PDE5A: variants seen among roughly 807,000 people sequenced by gnomAD.
PDE5A encodes the protein cGMP-specific 3',5'-cyclic phosphodiesterase.
Under a neutral mutation model 110.2 loss-of-function variants are expected in PDE5A, and 67 were observed. That is an observed-to-expected ratio of 0.61 (90% CI 0.50 to 0.75). The LOEUF (loss-of-function observed/expected upper bound fraction) is 0.75. Ranked by LOEUF, PDE5A falls within the 30% of genes least tolerant of loss-of-function variation. The probability of loss-of-function intolerance (pLI) is 0.00; values close to 1 mark genes in which losing one functional copy is unlikely to be tolerated. For missense variants in PDE5A, 862 were observed against 1,045.1 expected, an observed-to-expected ratio of 0.82 and a Z score of 2.42; for synonymous variants, 328 against 351.2, an observed-to-expected ratio of 0.93 and a Z score of 0.74.
At chr4:119,622,173 CAA>C (rs11334790) in intron 1 of PDE5A, among the ~76,000 whole-genome samples, 171 of 135,804 alleles carry the variant, frequency 1.3e-3, no homozygotes, top group Non-Finnish European at 1.6e-3. Flanking sequence ...GACTCCATCT[CAA>C]AAAAAAAAAA....
intron 7 of PDE5A, among the ~76,000 whole-genome samples, chr4:119,555,647 C>A (rs2110498894): frequency 6.6e-6 from 1 of 152,014 alleles, no homozygotes; most frequent in African/African-American, 2.4e-5. Flanking sequence ...TCTTCATCAT[C>A]ATTATTTTAA....
intron 11 of PDE5A, among the ~76,000 whole-genome samples, chr4:119,531,419 C>A (rs980444207): frequency 6.6e-6 from 1 of 152,126 alleles, no homozygotes; most frequent in South Asian, 2.1e-4. Flanking sequence ...GCTGCGACTA[C>A]AGATGCATGC....
intron 3 of PDE5A, among the ~76,000 whole-genome samples, chr4:119,589,214 C>G (rs1483686392): frequency 1.3e-5 from 2 of 151,654 alleles, no homozygotes; most frequent in Non-Finnish European, 2.9e-5. Context: ...TTCATAAAGT[C>G]CTGCTTTCTA....
chr4:119,580,338 T>G (rs1436987782), intron 3 of PDE5A, among the ~76,000 whole-genome samples: 1 of 152,234 alleles, frequency 6.6e-6, no homozygotes, highest in East Asian at 1.9e-4. Flanking sequence ...ACAGAGATTC[T>G]GTCCAGAGAC....
chr4:119,565,367 T>C lies in PDE5A; in HGVS notation c.947A>G (p.Asn316Ser). The C allele has an allele frequency of 1.2e-6, 2 of 1,612,654 alleles. No individual in the cohort carries two copies. The highest frequency in any genetic ancestry group is 1.7e-6 in the Non-Finnish European group (2 of 1,179,062). ...CAGTGAAGTCTCATAGAGCTGAGCATTATGAAGAACAATACCACAAAATGC... is the reference window on the plus strand; with the variant it reads ...CAGTGAAGTCTCATAGAGCTGAGCACTATGAAGAACAATACCACAAAATGC... Reference protein sequence around the residue: ...YLAFCGIVLHNAQLYETSLLE... With the variant: ...YLAFCGIVLHSAQLYETSLLE... The change falls in exon 5 of 21, where the codon AAT becomes AGT. Residue 316 changes from asparagine (N) to serine (S), a missense_variant. Transcript: ENST00000354960.
chr4:119,524,156 G>C (rs1003894874), intron 12 of PDE5A, among the ~76,000 whole-genome samples: 1 of 152,000 alleles, frequency 6.6e-6, no homozygotes, highest in Non-Finnish European at 1.5e-5. Context: ...TATAATTCTC[G>C]TAAGACTCCC....
chr4:119,512,325 GTCT>G (rs1186758299), intron 14 of PDE5A: 1 of 152,062 alleles, frequency 6.6e-6, no homozygotes, highest in Non-Finnish European at 1.5e-5. Context: ...TGCCCTTCTT[GTCT>G]TCTTTGCTCC....
chr4:119,625,081 G>A (rs1201223734), intron 1 of PDE5A, among the ~76,000 whole-genome samples: 1 of 151,040 alleles, frequency 6.6e-6, no homozygotes, highest in Non-Finnish European at 1.5e-5. Context: ...AGCAATCTTG[G>A]CTCACTGCAA....
intron 3 of PDE5A, among the ~76,000 whole-genome samples, chr4:119,588,528 T>TA (rs35632964): frequency 0.055 from 7,613 of 139,674 alleles, 251 homozygotes; most frequent in Non-Finnish European, 0.074. Context: ...TTTGCTTCAT[T>TA]AAAAAAAAAA....
chr4:119,584,019 C>A (rs1578799317), intron 3 of PDE5A, among the ~76,000 whole-genome samples: 1 of 152,286 alleles, frequency 6.6e-6, no homozygotes, highest in Non-Finnish European at 1.5e-5. Flanking sequence ...GAGCTAATTT[C>A]TTTGACTAGG....
rs1725536778 is a variant in PDE5A at position 119,505,915 on chromosome 4, A to G, written c.2207T>C (p.Phe736Ser). Residue 736 changes from phenylalanine to serine, a missense_variant, in exon 17 of 21, where the codon TTT (phenylalanine) becomes TCT (serine). Physicochemically the swap from Phe to Ser is radical, Grantham distance 155. Transcript: ENST00000354960. ...GAATTGATTTTTTCTTATAAGTTCA[A>G]AAAATTCTCCTCGCCTCCTACAATG... ...ALYIKRRGEF[F>S]ELIRKNQFNL... 2.5e-6 allele frequency: 4 copies of G among 1,571,478 alleles called. No homozygotes were observed. Among genetic ancestry groups the G allele is most frequent in the Non-Finnish European group, 3.4e-6 (4 of 1,159,444 alleles).
At chr4:119,555,569 T>C (rs1054274453) in intron 7 of PDE5A, among the ~76,000 whole-genome samples, 8 of 152,072 alleles carry the variant, frequency 5.3e-5, no homozygotes, top group African/African-American at 1.9e-4. Context: ...TGAAGTATAT[T>C]GGAGAAGTAA....
At chr4:119,550,428 G>T (rs1727300737) in intron 9 of PDE5A, 1 of 152,202 alleles carries the variant, frequency 6.6e-6, no homozygotes, top group Admixed American at 6.5e-5. Context: ...AAGTTATTAA[G>T]TTCAACTCCA....
At chr4:119,520,837 A>T in intron 13 of PDE5A, 98 bp downstream of exon 13, 1 of 998,096 alleles carries the variant, frequency 1.0e-6, no homozygotes, top group Non-Finnish European at 1.5e-6. Context: ...ATTATTTTAA[A>T]TCATTGTGCA....
chr4:119,621,683 C>G (rs770857908), intron 1 of PDE5A, among the ~76,000 whole-genome samples: 37 of 152,270 alleles, frequency 2.4e-4, no homozygotes, highest in Middle Eastern at 6.8e-3. Context: ...GACACAGAGA[C>G]AGACAGAATT....
intron 2 of PDE5A, among the ~76,000 whole-genome samples, chr4:119,598,595 A>C (rs1191527469): frequency 6.6e-6 from 1 of 152,204 alleles, no homozygotes; most frequent in Admixed American, 6.5e-5. Flanking sequence ...AGGTACCAGA[A>C]TTCCTTCCTG....
chr4:119,627,994 C>A lies in PDE5A; in HGVS notation c.152+526G>T, dbSNP rs1179793004. ...AGGGGGGAAAAGGCAACCGCACTCACTTTGGCAAGGTTCCGTCATGTTGCC... is the reference window on the plus strand; with the variant it reads ...AGGGGGGAAAAGGCAACCGCACTCAATTTGGCAAGGTTCCGTCATGTTGCC... On this transcript the variant is annotated intron_variant, in intron 1 of 20. Coordinates refer to ENST00000354960, the MANE Select transcript of PDE5A (RefSeq NM_001083.4). The surrounding 1 kb of genome is among the most constrained non-coding windows in gnomAD (Gnocchi z 4.6). 17 of 978,856 alleles carry A rather than the reference C, an allele frequency of 1.7e-5. No homozygotes were observed. The highest frequency in any genetic ancestry group is 1.9e-5 in the Non-Finnish European group (16 of 823,944). 60.6% of individuals were successfully genotyped at this position (978,856 alleles called of 1,614,324 possible).
intron 1 of PDE5A, among the ~76,000 whole-genome samples, chr4:119,615,615 C>CAAAAAA (rs56177504): frequency 7.7e-6 from 1 of 130,352 alleles, no homozygotes; most frequent in Non-Finnish European, 1.7e-5. Context: ...CTACTAAGTT[C>CAAAAAA]AAAAAAAAAA....
chr4:119,606,635 C>A, intron 2 of PDE5A, 74 bp downstream of exon 2: 3 of 969,392 alleles, frequency 3.1e-6, no homozygotes, highest in Non-Finnish European at 3.2e-6. Context: ...CTATCCAATG[C>A]CCCAGCCATA....
Sources: gnomAD v4.1 joint callset for allele counts (sites outside exome capture counted in the v4.1 genomes callset) on GRCh38, gnomAD v4.1.1 for gene constraint, Gnocchi (gnomAD v3.1) non-coding constraint, MANE v1.5 for transcripts, NCBI Gene and HGNC (gene_info 2026-07-23, HGNC 2026-07-21) for gene names.